The following FRK variants were observed in gnomAD, a reference collection of about 807,000 sequenced individuals.
The protein encoded by FRK is tyrosine-protein kinase FRK.
A neutral mutation model predicts 56.4 loss-of-function variants in FRK; 51 were observed. The ratio of observed to expected loss-of-function variants is 0.90; its 90% CI spans 0.72 to 1.14. FRK has a LOEUF of 1.14. FRK is among the 50% of genes most tolerant of loss of function. The pLI is 0.00. For synonymous variants in FRK, 245 were observed against 217.9 expected (o/e 1.12, Z -1.10); for missense variants, 570 against 601.4 (o/e 0.95, Z 0.55).
the FRK span, among the ~76,000 whole-genome samples, chr6:116,097,271 T>C: frequency 1.3e-5 from 2 of 152,194 alleles, no homozygotes; most frequent in Admixed American, 1.3e-4. Context: ...TTTTTAGAAA[T>C]TCATATTTTT....
chr6:116,090,203 C>T, the FRK span, among the ~76,000 whole-genome samples: 1 of 152,248 alleles, frequency 6.6e-6, no homozygotes, highest in African/African-American at 2.4e-5. Flanking sequence ...GGTTAAATCC[C>T]TTGCACAGGA....
chr6:115,947,013 T>C (rs1772482112), intron 5 of FRK, among the ~76,000 whole-genome samples: 1 of 151,842 alleles, frequency 6.6e-6, no homozygotes, highest in African/African-American at 2.4e-5. Context: ...AATTCCAAAA[T>C]CCTAATCAAG....
chr6:115,947,213 G>A (rs1207685268), intron 5 of FRK, among the ~76,000 whole-genome samples: 2 of 151,820 alleles, frequency 1.3e-5, no homozygotes. Context: ...ATAATTACAT[G>A]TTAAACAATA....
rs58291041 is a variant in FRK at position 116,038,776 on chromosome 6, C to A, written c.344+21192G>T. On this transcript the variant is annotated intron_variant, in intron 1 of 7. Transcript: ENST00000606080. ...GCGCCATGGCGACCTCCAGGAAGTT[C>A]GTTGGGGGGAACTGGAAGATGAACC... 806 of 493,838 alleles carry A rather than the reference C, an allele frequency of 1.6e-3. 9 individuals carry two copies. Among genetic ancestry groups the A allele is most frequent in the African/African-American group, 0.015 (762 of 51,152 alleles). 30.6% of individuals were successfully genotyped at this position (493,838 alleles called of 1,614,324 possible).
intron 5 of FRK, among the ~76,000 whole-genome samples, chr6:115,955,925 A>T (rs1772966828): frequency 6.6e-6 from 1 of 152,216 alleles, no homozygotes. Flanking sequence ...CAGAGAAATA[A>T]AGTAATAGCA....
chr6:115,991,208 A>G (rs1268912345), intron 2 of FRK, among the ~76,000 whole-genome samples: 1 of 151,988 alleles, frequency 6.6e-6, no homozygotes, highest in Non-Finnish European at 1.5e-5. Flanking sequence ...AGATCACGTC[A>G]TCGGTGAAGA....
chr6:115,981,143 C>T (rs1354476032), intron 2 of FRK, among the ~76,000 whole-genome samples: 1 of 152,052 alleles, frequency 6.6e-6, no homozygotes, highest in Non-Finnish European at 1.5e-5. Flanking sequence ...GCTGATTCTC[C>T]AGGATTTTTG....
intron 1 of FRK, among the ~76,000 whole-genome samples, chr6:116,039,821 T>C (rs1174045753): frequency 2.0e-5 from 3 of 151,862 alleles, no homozygotes; most frequent in African/African-American, 7.3e-5. Context: ...TCTTCCTTCT[T>C]ACACCCTGAG....
chr6:116,062,010 G>A (rs1777644258), upstream of FRK, among the ~76,000 whole-genome samples: 1 of 148,254 alleles, frequency 6.7e-6, no homozygotes, highest in African/African-American at 2.5e-5. Flanking sequence ...AAGAAGGAAA[G>A]AAAGAAAGAA....
chr6:116,056,902 G>A (rs1777420674), intron 1 of FRK, among the ~76,000 whole-genome samples: 1 of 152,196 alleles, frequency 6.6e-6, no homozygotes, highest in Non-Finnish European at 1.5e-5. Context: ...CAGTAAAGGT[G>A]AAAAGCATTT....
At chr6:115,952,667 C>T (rs954321296) in intron 5 of FRK, among the ~76,000 whole-genome samples, 27 of 151,004 alleles carry the variant, frequency 1.8e-4, no homozygotes, top group African/African-American at 6.6e-4. Context: ...GACTTGGAAC[C>T]AACCCAAATG....
intron 1 of FRK, among the ~76,000 whole-genome samples, chr6:116,036,778 C>T (rs1776499749): frequency 6.6e-6 from 1 of 152,010 alleles, no homozygotes; most frequent in Non-Finnish European, 1.5e-5. Flanking sequence ...TATCAATGTA[C>T]TTAACTGTAA....
intron 5 of FRK, among the ~76,000 whole-genome samples, chr6:115,951,923 T>C (rs1346839178): frequency 1.3e-5 from 2 of 152,200 alleles, no homozygotes; most frequent in East Asian, 3.8e-4. Context: ...TTATATTCCA[T>C]TACTCAAGAA....
At chr6:116,031,542 A>G (rs924764444) in intron 1 of FRK, among the ~76,000 whole-genome samples, 1 of 152,118 alleles carries the variant, frequency 6.6e-6, no homozygotes, top group Non-Finnish European at 1.5e-5. Flanking sequence ...AAATGAGTAC[A>G]CATTCACAAC....
At chr6:115,952,632 T>C (rs1317766904) in intron 5 of FRK, among the ~76,000 whole-genome samples, 2 of 151,494 alleles carry the variant, frequency 1.3e-5, no homozygotes, top group African/African-American at 2.4e-5. Flanking sequence ...TGTATGTTTA[T>C]TGCGGCACTA....
chr6:116,071,978 G>C, the FRK span, among the ~76,000 whole-genome samples: 3 of 152,106 alleles, frequency 2.0e-5, no homozygotes, highest in Non-Finnish European at 4.4e-5. Flanking sequence ...ACACATAATT[G>C]TTGAACATCC....
At chr6:116,071,766 G>A in the FRK span, among the ~76,000 whole-genome samples, 1 of 152,138 alleles carries the variant, frequency 6.6e-6, no homozygotes, top group Non-Finnish European at 1.5e-5. Flanking sequence ...CACTAGGCTA[G>A]TGCTTGGGGA....
At chr6:116,054,479 T>C (rs931582248) in intron 1 of FRK, among the ~76,000 whole-genome samples, 3 of 142,808 alleles carry the variant, frequency 2.1e-5, no homozygotes, top group Non-Finnish European at 3.0e-5. Context: ...ATATATATAA[T>C]ATATAATAGT....
rs967848916 is a variant in FRK, at chr6:115,933,520, A to C, written c.*8894T>G. On this transcript the variant is annotated 3_prime_UTR_variant, in exon 8 of 8. Coordinates refer to ENST00000606080, the MANE Select transcript of FRK (RefSeq NM_002031.3). ...AGAACCTTGAACATAAATGTCCCCA[A>C]GAATCAAACACAGTAAGTTAAACGG... 6.6e-6 allele frequency: 1 copy of C among 152,240 alleles called. No individual in the cohort carries two copies. Among genetic ancestry groups the C allele is most frequent in the Non-Finnish European group, 1.5e-5 (1 of 68,034 alleles). 9.4% of individuals were successfully genotyped at this position (152,240 alleles called of 1,614,324 possible). A position where few individuals can be genotyped will look rare whatever the true frequency, so the allele number is the denominator to read the frequency against.
Sources: allele counts gnomAD v4.1 joint callset (sites outside exome capture counted in the v4.1 genomes callset), GRCh38; gene constraint gnomAD v4.1.1; transcripts MANE v1.5; gene names NCBI Gene and HGNC (gene_info 2026-07-23, HGNC 2026-07-21).